The following CELSR1 variants were observed in gnomAD, a reference collection of about 807,000 sequenced individuals.
The protein encoded by CELSR1 is cadherin EGF LAG seven-pass G-type receptor 1, also known as adhesion G protein-coupled receptor C1.
In CELSR1, 110 loss-of-function variants were observed where a neutral mutation model predicts 249.1. The observed-to-expected ratio is 0.44, with a 90% CI of 0.38 to 0.52. The LOEUF is 0.52. Ranked by LOEUF, CELSR1 falls within the 20% of genes least tolerant of loss-of-function variation. The pLI, the probability that CELSR1 is intolerant of heterozygous loss-of-function variation, is 0.00. For missense variants in CELSR1, 4,109 were observed against 4,296.4 expected (o/e 0.96, Z 1.22); for synonymous variants, 2,113 against 1,900.0 (o/e 1.11, Z -2.92).
chr22:46,415,846 C>T (rs961580477), intron 5 of CELSR1, among the ~76,000 whole-genome samples: 3 of 152,184 alleles, frequency 2.0e-5, no homozygotes, highest in African/African-American at 4.8e-5. Context: ...ATTACACAGG[C>T]GGCTTGAATA....
chr22:46,488,753 A>G lies in CELSR1; in HGVS notation c.3545-24408T>C, dbSNP rs543088811. On this transcript the variant is annotated intron_variant, in intron 1 of 34. Coordinates refer to ENST00000674500, the MANE Select transcript of CELSR1 (RefSeq NM_001378328.1). The surrounding 1 kb of genome is among the most constrained non-coding windows in gnomAD (Gnocchi z 4.7). ...CGGCTCACTGCAAGCTCCACCTCCC[A>G]GGTTCATGCCATTCTCCTGCCTCAG... 6.6e-6 allele frequency among the ~76,000 whole-genome samples: 1 copy of G among 150,974 alleles called. No individual in the cohort carries two copies. Among genetic ancestry groups the G allele is most frequent in the Non-Finnish European group, 1.5e-5 (1 of 67,806 alleles).
chr22:46,361,907 G>A lies in CELSR1; in HGVS notation c.*1316C>T, dbSNP rs1221880602. 1 of 152,268 alleles carries A rather than the reference G, an allele frequency of 6.6e-6. No individual in the cohort carries two copies. 9.4% of individuals were successfully genotyped at this position (152,268 alleles called of 1,614,324 possible). On this transcript the variant is annotated 3_prime_UTR_variant, in exon 35 of 35. Coordinates refer to ENST00000674500, the MANE Select transcript of CELSR1 (RefSeq NM_001378328.1). ...CCCCTCGGGCCACGCTGTGCCAGCT[G>A]CCTGCAGTGGGCCCGACCTTGGTGT...
Position 46,427,630 on chromosome 22 carries a change from C to T in CELSR1, c.4611+5763G>A, listed in dbSNP as rs1367090263. Among the ~76,000 whole-genome samples the T allele has an allele frequency of 1.3e-5, 2 of 152,218 alleles. No homozygotes were observed. Among genetic ancestry groups the T allele is most frequent in the Admixed American group, 6.5e-5 (1 of 15,280 alleles). On this transcript the variant is annotated intron_variant, in intron 5 of 34. Transcript: ENST00000674500. This position sits in a 1 kb window ranked among gnomAD's most constrained non-coding sequence, Gnocchi z 4.2. ...CCCCTCATCACCGCACAGAACCCCACCGCACTGTTGGCAATGGTTGTTGAC... is the reference window on the plus strand; with the variant it reads ...CCCCTCATCACCGCACAGAACCCCATCGCACTGTTGGCAATGGTTGTTGAC...
intron 1 of CELSR1, among the ~76,000 whole-genome samples, chr22:46,522,624 T>C (rs2080697397): frequency 6.6e-6 from 1 of 152,250 alleles, no homozygotes; most frequent in African/African-American, 2.4e-5. Context: ...ATAACAGTTT[T>C]TAAATGGGAT....
chr22:46,441,513 A>G lies in CELSR1; in HGVS notation c.4184-2102T>C, dbSNP rs561029557. On this transcript the variant is annotated intron_variant, in intron 2 of 34. Transcript: ENST00000674500. The surrounding 1 kb of genome is among the most constrained non-coding windows in gnomAD (Gnocchi z 6.1). ...GCATGAGAGATCGGGGGCTTATACA[A>G]CAGACACTTACTTCCCAGAGCTCTG... is the stretch of plus-strand genomic sequence containing the variant. 6.6e-6 allele frequency among the ~76,000 whole-genome samples: 1 copy of G among 152,138 alleles called. No individual in the cohort carries two copies. The highest frequency in any genetic ancestry group is 1.5e-5 in the Non-Finnish European group (1 of 68,010).
At position 46,429,535 on chromosome 22, in the gene CELSR1, T is replaced by C. The variant is rs969350037; in HGVS notation, c.4611+3858A>G. 1.1e-4 allele frequency among the ~76,000 whole-genome samples: 17 copies of C among 152,230 alleles called. No individual in the cohort carries two copies. Among genetic ancestry groups the C allele is most frequent in the Admixed American group, 4.6e-4 (7 of 15,286 alleles). ...GTCCTGGAAAAACGTCCGACTCCAA[T>C]GTACCCTTTGGTTTTGCTGAAGGTG... On this transcript the variant is annotated intron_variant, in intron 5 of 34. Transcript: ENST00000674500. This position sits in a 1 kb window ranked among gnomAD's most constrained non-coding sequence, Gnocchi z 4.1.
At chr22:46,457,711 T>C (rs539030461) in intron 2 of CELSR1, among the ~76,000 whole-genome samples, 1 of 152,230 alleles carries the variant, frequency 6.6e-6, no homozygotes, top group Non-Finnish European at 1.5e-5. Context: ...ACAGCTGTGA[T>C]GAGCACGAGG....
chr22:46,430,008 C>T lies in CELSR1; in HGVS notation c.4611+3385G>A, dbSNP rs530903654. Among the ~76,000 whole-genome samples, 1 of 152,340 alleles carries T rather than the reference C, an allele frequency of 6.6e-6. No individual in the cohort carries two copies. Among genetic ancestry groups the T allele is most frequent in the African/African-American group, 2.4e-5 (1 of 41,588 alleles). ...TCCTGTGGGGACCCTGACTGCTCCA[C>T]CAGCCTGGCAGCTCCCAGGCCCTGT... On this transcript the variant is annotated intron_variant, in intron 5 of 34. Coordinates refer to ENST00000674500, the MANE Select transcript of CELSR1 (RefSeq NM_001378328.1). This position sits in a 1 kb window ranked among gnomAD's most constrained non-coding sequence, Gnocchi z 4.6.
Position 46,391,211 on chromosome 22 carries a change from C to A in CELSR1, c.6225G>T (p.Ala2075=). The A allele has an allele frequency of 1.2e-6, 2 of 1,613,428 alleles. No individual in the cohort carries two copies. Among genetic ancestry groups the A allele is most frequent in the Non-Finnish European group, 1.7e-6 (2 of 1,179,972 alleles). The change falls in exon 16 of 35, where the codon GCG becomes GCT. Residue 2075 remains alanine, a synonymous_variant. Transcript: ENST00000674500. The surrounding 1 kb of genome is among the most constrained non-coding windows in gnomAD (Gnocchi z 4.3). ...CAACGGATCCCTTAGGGCATGGCAC[C>A]GCAGCCGGCTGCCCGAACTTGGTCT... The part of the protein sequence containing the change: ...WPQTKFGQPA[A]VPCPKGSVGN...
intron 1 of CELSR1, among the ~76,000 whole-genome samples, chr22:46,520,861 A>G (rs73451094): frequency 0.035 from 5,347 of 151,428 alleles, 219 homozygotes; most frequent in African/African-American, 0.096. Context: ...CCAAAGTGAA[A>G]CTCTGTCCCC....
chr22:46,463,909 G>A lies in CELSR1; in HGVS notation c.3981C>T (p.Ser1327=), dbSNP rs745703075. The A allele has an allele frequency of 5.0e-5, 80 of 1,613,784 alleles. No homozygotes were observed. Among genetic ancestry groups the A allele is most frequent in the Non-Finnish European group, 5.8e-5 (69 of 1,179,962 alleles). The part of the protein sequence containing the change: ...KCVSVLRFDS[S]APFLSSTTVL... ...CGGTGGTGGAGCTGAGGAAGGGCGCGGAGCTGTCGAATCGCAGAACGGACA... is the reference window on the plus strand; with the variant it reads ...CGGTGGTGGAGCTGAGGAAGGGCGCAGAGCTGTCGAATCGCAGAACGGACA... Residue 1327 remains serine, a synonymous_variant, in exon 2 of 35, where the codon TCC becomes TCT. Coordinates refer to ENST00000674500, the MANE Select transcript of CELSR1 (RefSeq NM_001378328.1).
chr22:46,373,740 A>AGCAATG lies in CELSR1; in HGVS notation c.7585-684_7585-683insCATTGC, dbSNP rs1569111572. Among the ~76,000 whole-genome samples the AGCAATG allele has an allele frequency of 6.5e-3, 899 of 138,706 alleles. 26 individuals carry two copies. The highest frequency in any genetic ancestry group is 0.027 in the African/African-American group (826 of 31,078). The allele number at this position is 138,706 out of a possible 152,430, so 91.0% of individuals were successfully genotyped here. On this transcript the variant is annotated intron_variant, in intron 24 of 34. Coordinates refer to ENST00000674500, the MANE Select transcript of CELSR1 (RefSeq NM_001378328.1). ...GGGAGATGGGAGCAATGGGAGCAATAGGAGCAATGGGAGGGTCCCACCACC... is the reference window on the plus strand; with the variant it reads ...GGGAGATGGGAGCAATGGGAGCAATAGCAATGGGAGCAATGGGAGGGTCCCACCACC...
At position 46,427,368 on chromosome 22, in the gene CELSR1, C is replaced by A. The variant is rs970928152; in HGVS notation, c.4611+6025G>T. On this transcript the variant is annotated intron_variant, in intron 5 of 34. Transcript: ENST00000674500. The surrounding 1 kb of genome is among the most constrained non-coding windows in gnomAD (Gnocchi z 4.2). The stretch of plus-strand genomic sequence containing the variant: ...CTGGCCAACATGGTGAAACTCCAAT[C>A]TCTACTAAAAGTACAAAAATTAACC... Among the ~76,000 whole-genome samples, 3 of 152,312 alleles carry A rather than the reference C, an allele frequency of 2.0e-5. 1 individual carries two copies. The highest frequency in any genetic ancestry group is 3.4e-3 in the Middle Eastern group (1 of 294).
At chr22:46,376,766 C>T (rs1198938727) in intron 24 of CELSR1, among the ~76,000 whole-genome samples, 5 of 149,020 alleles carry the variant, frequency 3.4e-5, no homozygotes, top group Admixed American at 6.7e-5. Context: ...GAGATTGTGC[C>T]ATCTCACTCC....
chr22:46,394,139 C>T lies in CELSR1; in HGVS notation c.5964+3G>A, dbSNP rs1184779019. The T allele has an allele frequency of 3.1e-6, 5 of 1,613,242 alleles. No individual in the cohort carries two copies. In the Admixed American group the frequency reaches 8.3e-5, roughly 27 times the overall value. ...TGCAGGGATCATGGGGGCGGGGCCT[C>T]ACCTTGCATTGGCACTGGCCGTTGG... On this transcript the variant is annotated splice_donor_region_variant and intron_variant, in intron 14 of 34. Coordinates refer to ENST00000674500, the MANE Select transcript of CELSR1 (RefSeq NM_001378328.1).
chr22:46,443,828 G>A (rs915957494), intron 2 of CELSR1, among the ~76,000 whole-genome samples: 4 of 152,234 alleles, frequency 2.6e-5, no homozygotes, highest in African/African-American at 7.2e-5. Flanking sequence ...GAGGTGTGAC[G>A]CTTAAGGTAT....
chr22:46,406,114 C>G lies in CELSR1; in HGVS notation c.5226+2882G>C, dbSNP rs2147309876. 6.6e-6 allele frequency among the ~76,000 whole-genome samples: 1 copy of G among 152,324 alleles called. No individual in the cohort carries two copies. The highest frequency in any genetic ancestry group is 2.4e-5 in the African/African-American group (1 of 41,576). On this transcript the variant is annotated intron_variant, in intron 9 of 34. Coordinates refer to ENST00000674500, the MANE Select transcript of CELSR1 (RefSeq NM_001378328.1). This position sits in a 1 kb window ranked among gnomAD's most constrained non-coding sequence, Gnocchi z 5.4. The stretch of plus-strand genomic sequence containing the variant: ...CAGCACCATTCCTACTGAAAGCGCA[C>G]TTTTTTCCTACAGAGACCCCACTGC...
In CELSR1 at chr22:46,366,402, G is replaced by T. The variant is rs1468506475; in HGVS notation, c.8284C>A (p.Leu2762Met). 2 of 1,549,500 alleles carry T rather than the reference G, an allele frequency of 1.3e-6. No individual in the cohort carries two copies. The highest frequency in any genetic ancestry group is 1.7e-6 in the Non-Finnish European group (2 of 1,146,372). The change falls in exon 30 of 35, where the codon CTG (leucine) becomes ATG (methionine). Residue 2762 changes from leucine (L) to methionine (M), a missense_variant. Physicochemically the swap from Leu to Met is conservative, Grantham distance 15. Transcript: ENST00000674500. ...RTDLGESTAS[L>M]DSIVRDEGIQ... ...CGGCCTGACCTGACGATGCTGTCCA[G>T]CGAGGCGGTGGACTCGCCCAAGTCT...
At position 46,507,123 on chromosome 22, in the gene CELSR1, T is replaced by C. The variant is rs546625393; in HGVS notation, c.3544+26504A>G. Among the ~76,000 whole-genome samples the C allele has an allele frequency of 1.6e-4, 24 of 151,730 alleles. No homozygotes were observed. The East Asian group carries it at 4.5e-3, about 28-fold the overall frequency. On this transcript the variant is annotated intron_variant, in intron 1 of 34. Coordinates refer to ENST00000674500, the MANE Select transcript of CELSR1 (RefSeq NM_001378328.1). ...ATCGCTTGAACCAGGGAGGCGGAGG[T>C]TGCAGTGAGCTGAGACCGCACCACT...
Sources: allele counts gnomAD v4.1 joint callset (sites outside exome capture counted in the v4.1 genomes callset), GRCh38; gene constraint gnomAD v4.1.1; non-coding constraint Gnocchi (gnomAD v3.1); transcripts MANE v1.5; gene names NCBI Gene and HGNC (gene_info 2026-07-23, HGNC 2026-07-21).